The following NMNAT2 variants were observed in gnomAD, a reference collection of about 807,000 sequenced individuals.
The protein encoded by NMNAT2 is nicotinamide nucleotide adenylyltransferase 2, also known as nicotinamide/nicotinic acid mononucleotide adenylyltransferase 2.
Under a neutral mutation model 41.6 loss-of-function variants are expected in NMNAT2, and 11 were observed. That is an observed-to-expected ratio of 0.26 (90% CI 0.17 to 0.44). The LOEUF (loss-of-function observed/expected upper bound fraction) is 0.44, where lower values mean the gene tolerates loss of function less well. Among genes scored for constraint, NMNAT2 ranks in the 20% least tolerant of loss-of-function variants. NMNAT2 has a pLI of 1.00. For synonymous variants in NMNAT2, 148 were observed against 151.2 expected, an observed-to-expected ratio of 0.98 and a Z score of 0.16; for missense variants, 288 against 407.7, an observed-to-expected ratio of 0.71 and a Z score of 2.53.
intron 1 of NMNAT2, among the ~76,000 whole-genome samples, chr1:183,394,570 G>C (rs1648578592): frequency 6.6e-6 from 1 of 152,156 alleles, no homozygotes; most frequent in African/African-American, 2.4e-5. Context: ...AAAGACAATG[G>C]GGTAGGACAG....
intron 1 of NMNAT2, among the ~76,000 whole-genome samples, chr1:183,362,372 C>T (rs538031482): frequency 6.6e-6 from 1 of 152,288 alleles, no homozygotes; most frequent in African/African-American, 2.4e-5. Context: ...ACAACATTTT[C>T]ATCACCCAAA....
chr1:183,306,012 G>T, intron 1 of NMNAT2, among the ~76,000 whole-genome samples: 1 of 152,172 alleles, frequency 6.6e-6, no homozygotes, highest in East Asian at 1.9e-4. Context: ...GTGAGCCACC[G>T]CGCCCGGCCC....
intron 5 of NMNAT2, among the ~76,000 whole-genome samples, chr1:183,286,026 C>G (rs1467959367): frequency 6.6e-6 from 1 of 152,108 alleles, no homozygotes. Flanking sequence ...GAGAAAAATG[C>G]TCCATTTTGT....
In NMNAT2 at chr1:183,251,498, T is replaced by A. The variant is rs1660377529; in HGVS notation, c.*1143A>T. ...TCCAGGGTTGAGTGGACTCCTAGTG[T>A]TTTTTTGTTTTGTTTTGTTTTTTTA... On this transcript the variant is annotated 3_prime_UTR_variant, in exon 11 of 11. Transcript: ENST00000287713. 6.6e-6 allele frequency: 1 copy of A among 152,104 alleles called. No homozygotes were observed. The highest frequency in any genetic ancestry group is 1.5e-5 in the Non-Finnish European group (1 of 67,996). 9.4% of individuals were successfully genotyped at this position (152,104 alleles called of 1,614,324 possible). A position where few individuals can be genotyped will look rare whatever the true frequency, so the allele number is the denominator to read the frequency against.
intron 1 of NMNAT2, among the ~76,000 whole-genome samples, chr1:183,305,940 T>A (rs1391510545): frequency 6.6e-6 from 1 of 152,204 alleles, no homozygotes; most frequent in Non-Finnish European, 1.5e-5. Flanking sequence ...CAGGCTGTTC[T>A]CAAACTCCTG....
intron 1 of NMNAT2, among the ~76,000 whole-genome samples, chr1:183,347,728 G>A (rs1347811281): frequency 6.6e-6 from 1 of 152,126 alleles, no homozygotes; most frequent in Non-Finnish European, 1.5e-5. Context: ...TAACAGCTGT[G>A]CAGCATATAG....
chr1:183,373,766 C>A (rs911657999), intron 1 of NMNAT2, among the ~76,000 whole-genome samples: 1 of 151,896 alleles, frequency 6.6e-6, no homozygotes, highest in East Asian at 1.9e-4. Context: ...TACAGGCACA[C>A]GCAACCATGC....
rs1009831893 is a variant in NMNAT2, at chr1:183,364,824, C to T, written c.85+53359G>A. ...CTCCTGCCTCAGCCTCCAGAGTAGG[C>T]GGGATTACAGGTGCCCACCACCACA... On this transcript the variant is annotated intron_variant, in intron 1 of 10. Coordinates refer to ENST00000287713, the MANE Select transcript of NMNAT2 (RefSeq NM_015039.4). Among the ~76,000 whole-genome samples the T allele has an allele frequency of 1.5e-4, 23 of 152,094 alleles. 1 individual carries two copies. In the East Asian group the frequency reaches 2.3e-3, roughly 15 times the overall value.
At chr1:183,266,301 G>C (rs921945743) in intron 8 of NMNAT2, among the ~76,000 whole-genome samples, 7 of 152,096 alleles carry the variant, frequency 4.6e-5, no homozygotes, top group Non-Finnish European at 1.0e-4. Context: ...CCAATAGCCA[G>C]ACTGATTATG....
rs568078693 is a variant in NMNAT2 at position 183,300,349 on chromosome 1, C to T, written c.86-6556G>A. Among the ~76,000 whole-genome samples, 33 of 151,848 alleles carry T rather than the reference C, an allele frequency of 2.2e-4. No individual in the cohort carries two copies. In the South Asian group the frequency reaches 6.7e-3, roughly 31 times the overall value. On this transcript the variant is annotated intron_variant, in intron 1 of 10. Coordinates refer to ENST00000287713, the MANE Select transcript of NMNAT2 (RefSeq NM_015039.4). The stretch of plus-strand genomic sequence containing the variant: ...CCCAGGAGACAGAGGTTGCAGTGAG[C>T]CGAGATTGCACCACTGTACTCCAGC...
At chr1:183,329,475 T>A (rs4651153) in intron 1 of NMNAT2, among the ~76,000 whole-genome samples, 1 of 151,932 alleles carries the variant, frequency 6.6e-6, no homozygotes, top group Non-Finnish European at 1.5e-5. Context: ...TTAAAACCTG[T>A]GTGGGAGGAG....
At chr1:183,274,296 CTTTATTTATTTATTTGTTA>C (rs1182838897) in intron 8 of NMNAT2, among the ~76,000 whole-genome samples, 2 of 151,820 alleles carry the variant, frequency 1.3e-5, no homozygotes, top group Non-Finnish European at 2.9e-5. Flanking sequence ...AAGTCAATAA[CTTTATTTATTTATTTGTTA>C]TTTATTTATT....
At position 183,355,515 on chromosome 1, in the gene NMNAT2, T is replaced by G. The variant is rs966404028; in HGVS notation, c.86-61722A>C. Among the ~76,000 whole-genome samples the G allele has an allele frequency of 4.0e-4, 61 of 152,246 alleles. 1 individual carries two copies. Among genetic ancestry groups the G allele is most frequent in the Admixed American group, 1.6e-3 (25 of 15,288 alleles). ...TTGAGAACAAGGCCCATGTTGCTAT[T>G]CCTGTGGCAAACTGATTGACATCCG... On this transcript the variant is annotated intron_variant, in intron 1 of 10. Coordinates refer to ENST00000287713, the MANE Select transcript of NMNAT2 (RefSeq NM_015039.4).
intron 1 of NMNAT2, among the ~76,000 whole-genome samples, chr1:183,359,121 C>T (rs1447467837): frequency 2.0e-5 from 3 of 151,690 alleles, no homozygotes; most frequent in African/African-American, 7.3e-5. Flanking sequence ...ACACATGAGG[C>T]TGATTTCATG....
At chr1:183,267,524 G>T (rs1439259643) in intron 8 of NMNAT2, among the ~76,000 whole-genome samples, 1 of 152,040 alleles carries the variant, frequency 6.6e-6, no homozygotes, top group Non-Finnish European at 1.5e-5. Flanking sequence ...TTTAGGGTGG[G>T]GTCAAAATGA....
intron 1 of NMNAT2, among the ~76,000 whole-genome samples, chr1:183,348,371 A>C (rs1328376542): frequency 6.6e-6 from 1 of 152,210 alleles, no homozygotes; most frequent in African/African-American, 2.4e-5. Flanking sequence ...GTGAGTTGCT[A>C]TTAAATCATT....
intron 1 of NMNAT2, among the ~76,000 whole-genome samples, chr1:183,358,507 A>G (rs906684480): frequency 3.9e-5 from 6 of 152,158 alleles, no homozygotes; most frequent in Non-Finnish European, 5.9e-5. Flanking sequence ...GAAAAGTGGG[A>G]GGAAAGAGGG....
intron 1 of NMNAT2, among the ~76,000 whole-genome samples, chr1:183,351,159 T>C (rs1040816354): frequency 7.2e-5 from 11 of 152,228 alleles, no homozygotes; most frequent in African/African-American, 2.4e-4. Context: ...TCATGTAAAA[T>C]GATTTGCATT....
At chr1:183,390,781 C>T (rs746973881) in intron 1 of NMNAT2, among the ~76,000 whole-genome samples, 11 of 152,130 alleles carry the variant, frequency 7.2e-5, no homozygotes, top group Non-Finnish European at 1.5e-4. Flanking sequence ...TGAAATTCAA[C>T]CATGTGATGC....
Sources: allele counts gnomAD v4.1 joint callset (sites outside exome capture counted in the v4.1 genomes callset), GRCh38; gene constraint gnomAD v4.1.1; transcripts MANE v1.5; gene names NCBI Gene and HGNC (gene_info 2026-07-23, HGNC 2026-07-21).